Variants in MTMR7 observed in about 807,000 individuals in gnomAD.
MTMR7 encodes myotubularin related protein 7.
MTMR7 carries 76 observed loss-of-function variants against 81.2 expected under a neutral mutation model. The observed-to-expected ratio is 0.94, with a 90% confidence interval of 0.78 to 1.13. The LOEUF is 1.13. MTMR7 is among the 50% of genes most tolerant of loss of function. The pLI, the probability that MTMR7 is intolerant of heterozygous loss-of-function variation, is 0.00. For missense variants in MTMR7, 1,044 were observed against 820.0 expected, an observed-to-expected ratio of 1.27 and a Z score of -3.34; for synonymous variants, 372 against 289.8, an observed-to-expected ratio of 1.28 and a Z score of -2.88.
chr8:17,307,031 T>G (rs1817499117), intron 10 of MTMR7, among the ~76,000 whole-genome samples: 2 of 152,006 alleles, frequency 1.3e-5, no homozygotes, highest in African/African-American at 2.4e-5. Flanking sequence ...AAGACAAAAT[T>G]GACAGATGGG....
At chr8:17,308,615 C>T (rs1466120883) in intron 10 of MTMR7, among the ~76,000 whole-genome samples, 2 of 152,154 alleles carry the variant, frequency 1.3e-5, no homozygotes, top group Non-Finnish European at 2.9e-5. Flanking sequence ...AAACTAAGTA[C>T]AGCTATACCA....
intron 7 of MTMR7, among the ~76,000 whole-genome samples, chr8:17,322,398 T>C (rs1197733143): frequency 4.6e-5 from 7 of 152,214 alleles, no homozygotes; most frequent in African/African-American, 1.7e-4. Context: ...TTAGTATATA[T>C]GAATGTGAAT....
intron 7 of MTMR7, among the ~76,000 whole-genome samples, chr8:17,330,867 A>T (rs189487594): frequency 2.0e-5 from 3 of 152,342 alleles, no homozygotes; most frequent in Admixed American, 2.0e-4. Flanking sequence ...TCAAACTAAC[A>T]TTATGAGGAA....
intron 3 of MTMR7, among the ~76,000 whole-genome samples, chr8:17,369,677 G>C (rs1475435434): frequency 2.6e-5 from 3 of 115,760 alleles, no homozygotes; most frequent in African/African-American, 3.4e-5. Flanking sequence ...ACAGAGTCTC[G>C]TTCTGTCACC....
chr8:17,302,703 A>ACC (rs35520166), intron 12 of MTMR7, among the ~76,000 whole-genome samples: 244 of 10,354 alleles, frequency 0.024, 41 homozygotes, highest in Non-Finnish European at 0.056. Flanking sequence ...ATTGGCAATA[A>ACC]CCCCCCCCCC....
chr8:17,395,053 T>G (rs950625794), intron 1 of MTMR7, among the ~76,000 whole-genome samples: 1 of 152,182 alleles, frequency 6.6e-6, no homozygotes, highest in Non-Finnish European at 1.5e-5. Context: ...ACAAAAACTC[T>G]CTAACTATTA....
At chr8:17,362,427 T>C (rs1206790513) in intron 3 of MTMR7, among the ~76,000 whole-genome samples, 1 of 152,200 alleles carries the variant, frequency 6.6e-6, no homozygotes, top group African/African-American at 2.4e-5. Flanking sequence ...CCTTGTTTTG[T>C]TCCAGATTCT....
intron 4 of MTMR7, among the ~76,000 whole-genome samples, chr8:17,354,608 G>T (rs1289549536): frequency 1.3e-5 from 2 of 152,144 alleles, no homozygotes; most frequent in African/African-American, 4.8e-5. Flanking sequence ...TTCTACGTCT[G>T]CTGTTATTTC....
intron 7 of MTMR7, among the ~76,000 whole-genome samples, chr8:17,325,486 T>C (rs760583909): frequency 6.6e-6 from 1 of 152,208 alleles, no homozygotes; most frequent in Non-Finnish European, 1.5e-5. Flanking sequence ...AGTGGTTCTA[T>C]TTTGAGGCCT....
chr8:17,321,370 A>G (rs1161176312), intron 7 of MTMR7, among the ~76,000 whole-genome samples: 1 of 152,230 alleles, frequency 6.6e-6, no homozygotes, highest in East Asian at 1.9e-4. Context: ...TCACCATGTC[A>G]GCACTAACAA....
chr8:17,405,962 T>TTTTCTGGATTTATGCAAATA (rs11270305), intron 1 of MTMR7, among the ~76,000 whole-genome samples: 10 of 152,090 alleles, frequency 6.6e-5, no homozygotes, highest in African/African-American at 9.7e-5. Context: ...ACACAGCATT[T>TTTTCTGGATTTATGCAAATA]TTTCTGGATT....
At chr8:17,379,437 C>T (rs966248603) in intron 1 of MTMR7, among the ~76,000 whole-genome samples, 1 of 152,168 alleles carries the variant, frequency 6.6e-6, no homozygotes, top group Non-Finnish European at 1.5e-5. Context: ...TTAGTGCTAC[C>T]AACCGGGGCA....
intron 4 of MTMR7, among the ~76,000 whole-genome samples, chr8:17,351,758 G>A (rs1354075742): frequency 6.6e-6 from 1 of 152,164 alleles, no homozygotes; most frequent in Non-Finnish European, 1.5e-5. Context: ...ACTTGCTCGG[G>A]GAACTCTAAG....
At chr8:17,350,392 G>A (rs771298882) in intron 4 of MTMR7, among the ~76,000 whole-genome samples, 5 of 152,206 alleles carry the variant, frequency 3.3e-5, no homozygotes, top group Admixed American at 1.3e-4. Flanking sequence ...GCAGAGGCAC[G>A]TCTTACGTGG....
chr8:17,356,224 T>C (rs73557556), intron 4 of MTMR7, among the ~76,000 whole-genome samples: 4,618 of 152,228 alleles, frequency 0.03, 248 homozygotes, highest in African/African-American at 0.11. Flanking sequence ...TATCAGTACA[T>C]AGGAACCTTC....
intron 7 of MTMR7, among the ~76,000 whole-genome samples, chr8:17,313,816 TTC>T (rs1176744959): frequency 3.3e-5 from 5 of 152,156 alleles, no homozygotes; most frequent in Non-Finnish European, 7.3e-5. Context: ...ACTTAGAAGT[TTC>T]TGTCACCCAA....
intron 4 of MTMR7, among the ~76,000 whole-genome samples, chr8:17,354,238 C>G (rs1819819268): frequency 1.3e-5 from 2 of 152,020 alleles, no homozygotes; most frequent in African/African-American, 4.8e-5. Context: ...AGGTTATGAA[C>G]AGGATAAAAT....
At chr8:17,306,063 C>CT in intron 10 of MTMR7, 106 bp from the exon 11 acceptor site, 1 of 857,122 alleles carries the variant, frequency 1.2e-6, no homozygotes. Context: ...CTAAATAAAT[C>CT]TTATCTTACA....
chr8:17,300,684 T>C (rs1260374691), intron 13 of MTMR7, among the ~76,000 whole-genome samples: 1 of 152,222 alleles, frequency 6.6e-6, no homozygotes, highest in African/African-American at 2.4e-5. Context: ...ATTCACAAGG[T>C]TGTGCAACGA....
Sources: allele counts gnomAD v4.1 joint callset (sites outside exome capture counted in the v4.1 genomes callset), GRCh38; gene constraint gnomAD v4.1.1; transcripts MANE v1.5; gene names NCBI Gene and HGNC (gene_info 2026-07-23, HGNC 2026-07-21).